Variants in TRABD2A observed in about 807,000 individuals in gnomAD.
TRABD2A encodes TraB domain containing 2A.
Under a neutral mutation model 45.6 loss-of-function variants are expected in TRABD2A, and 43 were observed. The ratio of observed to expected loss-of-function variants is 0.94; its 90% CI spans 0.74 to 1.22. The LOEUF (loss-of-function observed/expected upper bound fraction) is 1.22, where lower values mean the gene tolerates loss of function less well. TRABD2A is among the 50% of genes most tolerant of loss of function. The probability of loss-of-function intolerance (pLI) is 0.00; values close to 1 mark genes in which losing one functional copy is unlikely to be tolerated. For synonymous variants in TRABD2A, 269 were observed against 265.0 expected, an observed-to-expected ratio of 1.02 and a Z score of -0.15; for missense variants, 642 against 652.4, an observed-to-expected ratio of 0.98 and a Z score of 0.17.
At chr2:84,863,597 CTTTTTT>C (rs55952015) in intron 2 of TRABD2A, among the ~76,000 whole-genome samples, 3,784 of 77,968 alleles carry the variant, frequency 0.049, 32 homozygotes, top group Admixed American at 0.087. Flanking sequence ...TTCAAATTTT[CTTTTTT>C]TTTTTTTTTT....
rs934171880 is a variant in TRABD2A at position 84,832,242 on chromosome 2, A to C, written c.992-97T>G. On this transcript the variant is annotated intron_variant, in intron 4 of 6. Transcript: ENST00000409520. ...CTAGAACCAAGAAATTACCCTGCCAAGCCCCCTGCCTATCTGTCCAGCACA... is the reference window on the plus strand; with the variant it reads ...CTAGAACCAAGAAATTACCCTGCCACGCCCCCTGCCTATCTGTCCAGCACA... 9.9e-5 allele frequency: 125 copies of C among 1,257,668 alleles called. No homozygotes were observed. In the Admixed American group the frequency reaches 2.2e-3, roughly 22 times the overall value. 77.9% of individuals were successfully genotyped at this position (1,257,668 alleles called of 1,614,324 possible).
At chr2:84,872,051 C>A (rs1047621037) in intron 1 of TRABD2A, among the ~76,000 whole-genome samples, 2 of 152,182 alleles carry the variant, frequency 1.3e-5, no homozygotes, top group African/African-American at 4.8e-5. Flanking sequence ...CCCTGAGTGT[C>A]TCTCATCCTC....
intron 2 of TRABD2A, among the ~76,000 whole-genome samples, chr2:84,861,949 G>C (rs995132406): frequency 2.0e-5 from 3 of 152,216 alleles, no homozygotes; most frequent in South Asian, 2.1e-4. Flanking sequence ...GAATGCAAAG[G>C]GAAGAGCCTC....
At chr2:84,836,955 C>T (rs1350972655) in intron 4 of TRABD2A, 3 of 139,430 alleles carry the variant, frequency 2.2e-5, no homozygotes, top group African/African-American at 2.7e-5. Context: ...TCAAACTTTC[C>T]TTTAATTCTT....
chr2:84,880,774 G>A (rs962868607), intron 1 of TRABD2A, among the ~76,000 whole-genome samples, 158 bp downstream of exon 1: 1 of 152,240 alleles, frequency 6.6e-6, no homozygotes, highest in East Asian at 1.9e-4. Flanking sequence ...CCGAGGGCAC[G>A]GAGAGGAGAG....
chr2:84,829,573 C>G (rs371596694), intron 5 of TRABD2A, among the ~76,000 whole-genome samples: 1 of 147,614 alleles, frequency 6.8e-6, no homozygotes, highest in Non-Finnish European at 1.5e-5. Flanking sequence ...ACACACCACA[C>G]GTACCACACT....
intron 2 of TRABD2A, among the ~76,000 whole-genome samples, chr2:84,859,391 G>A (rs770112935): frequency 2.0e-5 from 3 of 152,166 alleles, no homozygotes; most frequent in Non-Finnish European, 4.4e-5. Context: ...AAAAAAGTGG[G>A]GGTAAATCAA....
In TRABD2A at chr2:84,870,458, C is replaced by T. The variant is rs953125551; in HGVS notation, c.436G>A (p.Gly146Arg). Residue 146 changes from glycine (G) to arginine (R), a missense_variant, in exon 2 of 7, where the codon GGG (glycine) becomes AGG (arginine). Gly to Arg is a moderately radical substitution (Grantham distance 125). Coordinates refer to ENST00000409520, the MANE Select transcript of TRABD2A (RefSeq NM_001277053.2). ...TTGAAGAGGTAGTCTGCGTAGAGCCCCTTGCCGCGCTGGTCTGGGGTCATC... is the reference window on the plus strand; with the variant it reads ...TTGAAGAGGTAGTCTGCGTAGAGCCTCTTGCCGCGCTGGTCTGGGGTCATC... ...LWMTPDQRGKGLYADYLFNAI... is the reference protein window; with the variant it reads ...LWMTPDQRGKRLYADYLFNAI... 1.2e-6 allele frequency: 2 copies of T among 1,614,024 alleles called. No homozygotes were observed. The highest frequency in any genetic ancestry group is 4.5e-5 in the East Asian group (2 of 44,882).
In TRABD2A at chr2:84,842,005, G is replaced by A. The variant is rs78920191; in HGVS notation, c.672C>T (p.Val224=). ...HPLNGLNFSQ[V]IFALNQTLLQ... is the part of the protein sequence containing the mutation. ...GGAGGGTCTGGTTCAAAGCAAAGAT[G>A]ACCTAAAAGAAAGGTCTCTTTTAAG... The change falls in exon 3 of 7, where the codon GTC becomes GTT. Residue 224 remains valine (V), a splice_region_variant and synonymous_variant. Coordinates refer to ENST00000409520, the MANE Select transcript of TRABD2A (RefSeq NM_001277053.2). 6.7e-7 allele frequency: 1 copy of A among 1,495,988 alleles called. No homozygotes were observed. Among genetic ancestry groups the A allele is most frequent in the Admixed American group, 2.6e-5 (1 of 39,182 alleles). The allele number at this position is 1,495,988 out of a possible 1,614,324, so 92.7% of individuals were successfully genotyped here. A position where few individuals can be genotyped will look rare whatever the true frequency, so the allele number is the denominator to read the frequency against.
At chr2:84,847,252 A>G (rs142657508) in intron 2 of TRABD2A, among the ~76,000 whole-genome samples, 1 of 152,256 alleles carries the variant, frequency 6.6e-6, no homozygotes, top group Non-Finnish European at 1.5e-5. Flanking sequence ...ATAAACTACT[A>G]TGGCATCTCT....
Position 84,880,346 on chromosome 2 carries a change from C to T in TRABD2A, c.108+586G>A, listed in dbSNP as rs796190372. 2.3e-4 allele frequency among the ~76,000 whole-genome samples: 35 copies of T among 152,224 alleles called. 1 individual carries two copies. Among genetic ancestry groups the T allele is most frequent in the African/African-American group, 8.4e-4 (35 of 41,544 alleles). ...AGCGCCCGGCTGGACACGCAAGGCT[C>T]GGACAGTGGTCACTCCGCGAACGCA... is the stretch of plus-strand genomic sequence containing the variant. On this transcript the variant is annotated intron_variant, in intron 1 of 6. Coordinates refer to ENST00000409520, the MANE Select transcript of TRABD2A (RefSeq NM_001277053.2).
At chr2:84,848,458 TCAAA>T (rs1305901735) in intron 2 of TRABD2A, among the ~76,000 whole-genome samples, 3 of 147,894 alleles carry the variant, frequency 2.0e-5, no homozygotes, top group African/African-American at 7.4e-5. Context: ...CCAATAAAAC[TCAAA>T]CAAAGGCTTT....
intron 5 of TRABD2A, among the ~76,000 whole-genome samples, chr2:84,825,293 G>A (rs750134838): frequency 6.6e-5 from 10 of 152,316 alleles, no homozygotes; most frequent in South Asian, 6.2e-4. Context: ...TCTGAGCCAC[G>A]ACATGGCAGA....
At chr2:84,864,733 G>A (rs1203331104) in intron 2 of TRABD2A, among the ~76,000 whole-genome samples, 1 of 152,144 alleles carries the variant, frequency 6.6e-6, no homozygotes, top group Non-Finnish European at 1.5e-5. Flanking sequence ...TTGTTCTTAA[G>A]ACCCATGGCA....
At chr2:84,842,598 A>G (rs1171674710) in intron 2 of TRABD2A, among the ~76,000 whole-genome samples, 1 of 152,090 alleles carries the variant, frequency 6.6e-6, no homozygotes, top group Non-Finnish European at 1.5e-5. Flanking sequence ...GCATGGTGGC[A>G]TGTGCCTCTA....
rs758156133 is a variant in TRABD2A at position 84,870,819 on chromosome 2, A to G, written c.109-34T>C. On this transcript the variant is annotated intron_variant, in intron 1 of 6. Transcript: ENST00000409520. ...AAAAGAGGTAACATCAAGGTATAATATGGGGGAGAGGCATGGTCAGGAACC... is the reference window on the plus strand; with the variant it reads ...AAAAGAGGTAACATCAAGGTATAATGTGGGGGAGAGGCATGGTCAGGAACC... The G allele has an allele frequency of 2.0e-6, 3 of 1,516,314 alleles. No individual in the cohort carries two copies. In the South Asian group the frequency reaches 3.8e-5, roughly 19 times the overall value. The allele number at this position is 1,516,314 out of a possible 1,614,324, so 93.9% of individuals were successfully genotyped here. A position where few individuals can be genotyped will look rare whatever the true frequency, so the allele number is the denominator to read the frequency against.
intron 5 of TRABD2A, among the ~76,000 whole-genome samples, chr2:84,827,438 C>T (rs1297778365): frequency 6.6e-6 from 1 of 152,250 alleles, no homozygotes; most frequent in Non-Finnish European, 1.5e-5. Context: ...CACCATGTTT[C>T]ACACAGTGCT....
At position 84,841,927 on chromosome 2, in the gene TRABD2A, C is replaced by G; in HGVS notation, c.750G>C (p.Glu250Asp). 1.3e-6 allele frequency: 2 copies of G among 1,548,754 alleles called. No homozygotes were observed. Among genetic ancestry groups the G allele is most frequent in the Non-Finnish European group, 1.7e-6 (2 of 1,146,314 alleles). ...AGSLQIPYTT[E>D]DLIKHYNCGD... The stretch of plus-strand genomic sequence containing the variant: ...CGCAGTTATAGTGTTTGATGAGATC[C>G]TCCGTCGTGTAGGGGATCTGAAGAC... Residue 250 changes from glutamate (E) to aspartate (D), a missense_variant, in exon 3 of 7, where the codon GAG (glutamate) becomes GAC (aspartate). Transcript: ENST00000409520.
In TRABD2A at chr2:84,880,916, C is replaced by A; in HGVS notation, c.108+16G>T. ...TGCAGAGAGGCCGGCTCTCCAGCAC[C>A]CGACGCGCGCCTTACTTGGGGCTTG... On this transcript the variant is annotated intron_variant, in intron 1 of 6. Transcript: ENST00000409520. The A allele has an allele frequency of 6.3e-7, 1 of 1,577,538 alleles. No homozygotes were observed. The highest frequency in any genetic ancestry group is 2.3e-5 in the East Asian group (1 of 43,006).
Sources: allele counts gnomAD v4.1 joint callset (sites outside exome capture counted in the v4.1 genomes callset), GRCh38; gene constraint gnomAD v4.1.1; transcripts MANE v1.5; gene names NCBI Gene and HGNC (gene_info 2026-07-23, HGNC 2026-07-21).